The following SERINC5 variants were observed in gnomAD, a reference collection of about 807,000 sequenced individuals.
SERINC5 encodes chromosome 5 open reading frame 12.
In SERINC5, 41 loss-of-function variants were observed where a neutral mutation model predicts 63.1. The ratio of observed to expected loss-of-function variants is 0.65; its 90% confidence interval spans 0.51 to 0.84. The LOEUF is 0.84. SERINC5 is among the 40% of genes least tolerant of loss of function. The pLI is 0.00. For synonymous variants in SERINC5, 222 were observed against 215.2 expected (o/e 1.03, Z -0.28); for missense variants, 523 against 573.0 (o/e 0.91, Z 0.89).
At chr5:80,251,453 G>A (rs1345998153) in intron 1 of SERINC5, among the ~76,000 whole-genome samples, 7 of 152,166 alleles carry the variant, frequency 4.6e-5, no homozygotes, top group Non-Finnish European at 8.8e-5. Flanking sequence ...GAATAGGGCC[G>A]GCGCAGTAGC....
At chr5:80,246,225 C>CAAA (rs1287820294) in intron 1 of SERINC5, among the ~76,000 whole-genome samples, 3 of 152,022 alleles carry the variant, frequency 2.0e-5, no homozygotes, top group Non-Finnish European at 4.4e-5. Context: ...CACCAAGGAT[C>CAAA]AAAGCATTAG....
Position 80,138,861 on chromosome 5 carries a change from A to G in SERINC5, c.*4802T>C, listed in dbSNP as rs998378973. ...ACTAACTTGAGTACTTTAATTATAT[A>G]TGTATCTAGCAGAAGAGAAAAAAAC... On this transcript the variant is annotated 3_prime_UTR_variant, in exon 12 of 12. Coordinates refer to ENST00000507668, the MANE Select transcript of SERINC5 (RefSeq NM_001174072.3). The G allele has an allele frequency of 5.5e-5, 54 of 976,368 alleles. No individual in the cohort carries two copies. The African/African-American group carries it at 8.9e-4, about 16-fold the overall frequency. The allele number at this position is 976,368 out of a possible 1,614,324, so 60.5% of individuals were successfully genotyped here. A position where few individuals can be genotyped will look rare whatever the true frequency, so the allele number is the denominator to read the frequency against.
chr5:80,144,395 T>C (rs115664732), intron 11 of SERINC5, among the ~76,000 whole-genome samples: 1,639 of 152,332 alleles, frequency 0.011, 24 homozygotes, highest in Middle Eastern at 0.037. Flanking sequence ...CTGGATTACA[T>C]TGTAACTCAA....
Position 80,177,919 on chromosome 5 carries a change from T to C in SERINC5, c.341A>G (p.Asn114Ser). The C allele has an allele frequency of 6.2e-7, 1 of 1,611,334 alleles. No homozygotes were observed. The highest frequency in any genetic ancestry group is 8.5e-7 in the Non-Finnish European group (1 of 1,179,040). Residue 114 changes from asparagine (N) to serine (S), a missense_variant, in exon 3 of 12, where the codon AAC becomes AGC. Physicochemically the swap from Asn to Ser is conservative, Grantham distance 46 (BLOSUM62 1). Coordinates refer to ENST00000507668, the MANE Select transcript of SERINC5 (RefSeq NM_001174072.3). ...IFCLLTLKINNSKSCRAHIHN... is the reference protein window; with the variant it reads ...IFCLLTLKINSSKSCRAHIHN... ...AATATGAGCTCTACAACTTTTGCTG[T>C]TGTTGATTTTCAAGGTCAGTAGACA...
intron 1 of SERINC5, among the ~76,000 whole-genome samples, chr5:80,209,704 A>T (rs946114996): frequency 1.3e-5 from 2 of 152,170 alleles, no homozygotes; most frequent in African/African-American, 4.8e-5. Context: ...TACCATGTGC[A>T]TGCATTACTC....
At chr5:80,147,091 G>GA (rs1416255970) in intron 10 of SERINC5, among the ~76,000 whole-genome samples, 154 bp downstream of exon 10, 2 of 152,224 alleles carry the variant, frequency 1.3e-5, no homozygotes, top group African/African-American at 4.8e-5. Flanking sequence ...CCTTCAGGAA[G>GA]AATGTGAAAA....
At chr5:80,160,455 TTTACAAACGTGCATA>T (rs1298038390) in intron 7 of SERINC5, among the ~76,000 whole-genome samples, 2 of 152,176 alleles carry the variant, frequency 1.3e-5, no homozygotes, top group African/African-American at 4.8e-5. Flanking sequence ...TAGAAACCAC[TTTACAAACGTGCATA>T]TTTCAAGTGT....
intron 1 of SERINC5, among the ~76,000 whole-genome samples, chr5:80,210,823 C>T (rs747253734): frequency 6.6e-6 from 1 of 152,174 alleles, no homozygotes; most frequent in Admixed American, 6.5e-5. Context: ...GTTGTCATCA[C>T]TTGTAAGTCG....
At position 80,150,909 on chromosome 5, in the gene SERINC5, C is replaced by A. The variant is rs2112319914; in HGVS notation, c.1026G>T (p.Gln342His). The A allele has an allele frequency of 6.2e-7, 1 of 1,613,536 alleles. No homozygotes were observed. The highest frequency in any genetic ancestry group is 2.2e-5 in the East Asian group (1 of 44,880). The change falls in exon 9 of 12, where the codon CAG becomes CAT. Residue 342 changes from glutamine to histidine, a missense_variant. Transcript: ENST00000507668. Reference sequence around the variant, plus strand: ...CCAATTCAGGAGCTGCGTATCGCCCCTGCAGAGCGTCAGAACTCGATCTTG... The same window carrying A: ...CCAATTCAGGAGCTGCGTATCGCCCATGCAGAGCGTCAGAACTCGATCTTG... Reference protein sequence around the residue: ...STTRSSSDALQGRYAAPELEI... With the variant: ...STTRSSSDALHGRYAAPELEI...
intron 1 of SERINC5, among the ~76,000 whole-genome samples, chr5:80,228,980 G>T (rs1205330036): frequency 7.2e-6 from 1 of 138,696 alleles, no homozygotes; most frequent in African/African-American, 2.6e-5. Context: ...TAAATTCAGA[G>T]AATTTCTTTT....
At chr5:80,229,029 T>TGTGGGGGGGGGGGGA (rs1314284751) in intron 1 of SERINC5, among the ~76,000 whole-genome samples, 1 of 43,134 alleles carries the variant, frequency 2.3e-5, no homozygotes, top group African/African-American at 2.3e-4. Flanking sequence ...ACCTTTTTTT[T>TGTGGGGGGGGGGGGA]TTTTTTTTTT....
In SERINC5 at chr5:80,139,202, T is replaced by C. The variant is rs890982256; in HGVS notation, c.*4461A>G. ...AAAGTTTAAAAAATTAGCAAAGTTA[T>C]ATCTATAAAACTTTTGTAGTTTTCT... On this transcript the variant is annotated 3_prime_UTR_variant, in exon 12 of 12. Coordinates refer to ENST00000507668, the MANE Select transcript of SERINC5 (RefSeq NM_001174072.3). 2.6e-5 allele frequency: 25 copies of C among 979,612 alleles called. No homozygotes were observed. The highest frequency in any genetic ancestry group is 2.9e-5 in the Non-Finnish European group (24 of 824,732). 60.7% of individuals were successfully genotyped at this position (979,612 alleles called of 1,614,324 possible). A position where few individuals can be genotyped will look rare whatever the true frequency, so the allele number is the denominator to read the frequency against.
chr5:80,174,413 G>GAA (rs1747886773), intron 5 of SERINC5, among the ~76,000 whole-genome samples: 1 of 83,776 alleles, frequency 1.2e-5, no homozygotes, highest in Non-Finnish European at 2.6e-5. Context: ...AAAAGAAAAA[G>GAA]AAAACAAAAG....
chr5:80,127,323 G>A lies in SERINC5; in HGVS notation c.1239-13698C>T, dbSNP rs1744782898. Among the ~76,000 whole-genome samples, 4 of 152,168 alleles carry A rather than the reference G, an allele frequency of 2.6e-5. No homozygotes were observed. The South Asian group carries it at 8.3e-4, about 31-fold the overall frequency. ...TGATGTGTGCCACTTCGAAGCAGAA[G>A]CTCTGATTCATCATATGGTTCTACT... On this transcript the variant is annotated intron_variant, in intron 11 of 12. Transcript: ENST00000509193.
chr5:80,161,044 ATATATG>A (rs1037734257), intron 7 of SERINC5, among the ~76,000 whole-genome samples: 1 of 135,362 alleles, frequency 7.4e-6, no homozygotes, highest in African/African-American at 3.1e-5. Flanking sequence ...GTGTATATAT[ATATATG>A]TATGTATGTA....
chr5:80,215,174 T>C (rs922073071), intron 1 of SERINC5, among the ~76,000 whole-genome samples: 1 of 152,260 alleles, frequency 6.6e-6, no homozygotes, highest in African/African-American at 2.4e-5. Context: ...GGAAGATTTC[T>C]GATGAATGGT....
At chr5:80,146,578 A>G (rs113303209) in intron 10 of SERINC5, among the ~76,000 whole-genome samples, 10,630 of 152,036 alleles carry the variant, frequency 0.07, 1,257 homozygotes, top group African/African-American at 0.24. Flanking sequence ...TCAGCCTCCC[A>G]AGTAGCTGGG....
intron 1 of SERINC5, among the ~76,000 whole-genome samples, chr5:80,251,680 A>G (rs1752428338): frequency 1.3e-5 from 2 of 150,694 alleles, no homozygotes; most frequent in South Asian, 4.2e-4. Flanking sequence ...CAGGGAGCCA[A>G]GATTGCGCCA....
At chr5:80,193,107 T>C (rs1174173985) in intron 2 of SERINC5, among the ~76,000 whole-genome samples, 2 of 152,184 alleles carry the variant, frequency 1.3e-5, no homozygotes, top group Admixed American at 6.5e-5. Flanking sequence ...GCCACTTGCA[T>C]CTGAAAGAAT....
Sources: gnomAD v4.1 joint callset for allele counts (sites outside exome capture counted in the v4.1 genomes callset) on GRCh38, gnomAD v4.1.1 for gene constraint, MANE v1.5 for transcripts, NCBI Gene and HGNC (gene_info 2026-07-23, HGNC 2026-07-21) for gene names.